The following PLEKHG7 variants were observed in gnomAD, a reference collection of about 807,000 sequenced individuals.
PLEKHG7 encodes pleckstrin homology and RhoGEF domain containing G7.
Under a neutral mutation model 85.2 loss-of-function variants are expected in PLEKHG7, and 77 were observed. That is an observed-to-expected ratio of 0.90 (90% confidence interval 0.75 to 1.09). The LOEUF (loss-of-function observed/expected upper bound fraction) is 1.09, where lower values mean the gene tolerates loss of function less well. Among genes scored for constraint, PLEKHG7 ranks in the 50% least tolerant of loss-of-function variants. The probability of loss-of-function intolerance (pLI) is 0.00; values close to 1 mark genes in which losing one functional copy is unlikely to be tolerated. For synonymous variants in PLEKHG7, 301 were observed against 302.4 expected (o/e 1.00, Z 0.05); for missense variants, 777 against 804.3 (o/e 0.97, Z 0.41).
chr12:92,762,033 C>CA (rs201061866), intron 14 of PLEKHG7, among the ~76,000 whole-genome samples: 6,020 of 150,316 alleles, frequency 0.04, 180 homozygotes, highest in Non-Finnish European at 0.062. Flanking sequence ...TAAATGAAAC[C>CA]AAAAAAATGC....
At chr12:92,715,644 A>G (rs7313548) in intron 3 of PLEKHG7, among the ~76,000 whole-genome samples, 8,516 of 147,470 alleles carry the variant, frequency 0.058, 801 homozygotes, top group African/African-American at 0.2. Flanking sequence ...GCATGGTCAT[A>G]TAATGTTAGG....
chr12:92,718,741 T>C (rs1413042611), intron 3 of PLEKHG7, among the ~76,000 whole-genome samples: 1 of 152,142 alleles, frequency 6.6e-6, no homozygotes, highest in Admixed American at 6.5e-5. Flanking sequence ...TATTGCTTAA[T>C]CCCACAAGGG....
At chr12:92,761,620 AAAGAAGAAAGAAAGAAAG>A (rs1454010289) in intron 13 of PLEKHG7, 114 bp from the exon 14 acceptor site, 3 of 1,039,166 alleles carry the variant, frequency 2.9e-6, no homozygotes, top group Non-Finnish European at 3.8e-6. Flanking sequence ...AGAAAGAAAG[AAAGAAGAAAGAAAGAAAG>A]AAAGAAAGAA....
At chr12:92,754,392 C>A in intron 11 of PLEKHG7, 128 bp downstream of exon 11, 1 of 860,134 alleles carries the variant, frequency 1.2e-6, no homozygotes, top group Non-Finnish European at 1.8e-6. Flanking sequence ...AATGTGGGTT[C>A]AAGTGTGAGT....
intron 13 of PLEKHG7, 136 bp from the exon 14 acceptor site, chr12:92,761,616 A>AAAGAAAG (rs1261234815): frequency 6.8e-6 from 7 of 1,031,934 alleles, no homozygotes; most frequent in African/African-American, 3.8e-5. Context: ...AAAAAGAAAG[A>AAAGAAAG]AAGAAAGAAG....
At chr12:92,706,012 A>C (rs906162319) in intron 1 of PLEKHG7, among the ~76,000 whole-genome samples, 3 of 152,198 alleles carry the variant, frequency 2.0e-5, no homozygotes, top group Non-Finnish European at 2.9e-5. Flanking sequence ...TTACCTTCAA[A>C]GCCTGTCTCA....
In PLEKHG7 at chr12:92,713,999, C is replaced by T. The variant is rs1871416260; in HGVS notation, c.530+6327C>T. 3.9e-5 allele frequency among the ~76,000 whole-genome samples: 6 copies of T among 152,162 alleles called. No individual in the cohort carries two copies. In the South Asian group the frequency reaches 1.2e-3, roughly 31 times the overall value. On this transcript the variant is annotated intron_variant, in intron 3 of 16. Coordinates refer to ENST00000344636, the MANE Select transcript of PLEKHG7 (RefSeq NM_001377329.1). ...TAATATCAATTCCCATGCCTGTTCT[C>T]CAGATTTCTGTTTATATAAATTAGA... is the stretch of plus-strand genomic sequence containing the variant.
intron 13 of PLEKHG7, among the ~76,000 whole-genome samples, chr12:92,757,830 A>C (rs1307789504): frequency 6.6e-6 from 1 of 152,226 alleles, no homozygotes; most frequent in Non-Finnish European, 1.5e-5. Context: ...ACCAGAAGTC[A>C]TTGAGCTCTC....
At chr12:92,739,810 T>G (rs1039104071) in intron 7 of PLEKHG7, among the ~76,000 whole-genome samples, 28 of 152,084 alleles carry the variant, frequency 1.8e-4, no homozygotes, top group African/African-American at 6.8e-4. Flanking sequence ...TAGTAATGAG[T>G]TCTGTTTCTT....
chr12:92,744,423 T>G (rs376773962), intron 9 of PLEKHG7, among the ~76,000 whole-genome samples: 1 of 152,168 alleles, frequency 6.6e-6, no homozygotes, highest in South Asian at 2.1e-4. Flanking sequence ...GATGGTGGCA[T>G]GTAGTTCAGT....
chr12:92,764,152 G>A lies in PLEKHG7; in HGVS notation c.1828G>A (p.Asp610Asn), dbSNP rs768706469. 1 of 1,608,350 alleles carries A rather than the reference G, an allele frequency of 6.2e-7. No homozygotes were observed. The highest frequency in any genetic ancestry group is 8.5e-7 in the Non-Finnish European group (1 of 1,176,978). Residue 610 changes from aspartate to asparagine, a missense_variant, in exon 15 of 17, where the codon GAT becomes AAT. By Grantham distance (23) the Asp-to-Asn change is conservative (BLOSUM62 1). Coordinates refer to ENST00000344636, the MANE Select transcript of PLEKHG7 (RefSeq NM_001377329.1). ...AGTACTCGATCAGCCTATTCCACTA[G>A]ATAGATTGGTAGTCAAAAGTATTGA... ...CTVLDQPIPL[D>N]RLVVKSIEPL...
intron 9 of PLEKHG7, 88 bp downstream of exon 9, chr12:92,741,680 C>A (rs1192983429): frequency 2.1e-6 from 2 of 940,980 alleles, no homozygotes; most frequent in East Asian, 5.3e-5. Context: ...GATTTTAATT[C>A]TCCCTGGGAA....
At chr12:92,765,998 G>A (rs191308872) in intron 15 of PLEKHG7, among the ~76,000 whole-genome samples, 5 of 152,150 alleles carry the variant, frequency 3.3e-5, no homozygotes, top group Admixed American at 2.0e-4. Flanking sequence ...ACTTGACTGG[G>A]ACCAAAGTCT....
At position 92,755,925 on chromosome 12, in the gene PLEKHG7, G is replaced by A. The variant is rs757645379; in HGVS notation, c.1527G>A (p.Arg509=). 1 of 1,606,968 alleles carries A rather than the reference G, an allele frequency of 6.2e-7. No homozygotes were observed. Among genetic ancestry groups the A allele is most frequent in the South Asian group, 1.1e-5 (1 of 89,616 alleles). The change falls in exon 12 of 17, where the codon AGG becomes AGA. Residue 509 remains arginine, a synonymous_variant. Coordinates refer to ENST00000344636, the MANE Select transcript of PLEKHG7 (RefSeq NM_001377329.1). ...CACCGCTTTGGGATAGAGATAAAAGGTTTTTCATTCCAGAGGTACAAAAAA... is the reference window on the plus strand; with the variant it reads ...CACCGCTTTGGGATAGAGATAAAAGATTTTTCATTCCAGAGGTACAAAAAA... ...VWPPLWDRDK[R]FFIPECLKHI...
At position 92,706,727 on chromosome 12, in the gene PLEKHG7, G is replaced by A. The variant is rs1200976988; in HGVS notation, c.96G>A (p.Gly32=). The A allele has an allele frequency of 6.2e-7, 1 of 1,614,126 alleles. No homozygotes were observed. Among genetic ancestry groups the A allele is most frequent in the South Asian group, 1.1e-5 (1 of 91,084 alleles). Residue 32 remains glycine (G), a synonymous_variant, in exon 2 of 17, where the codon GGG becomes GGA. Coordinates refer to ENST00000344636, the MANE Select transcript of PLEKHG7 (RefSeq NM_001377329.1). Reference sequence around the variant, plus strand: ...TGAGGAGCCTGCCAAAGAACCAGGGGAGTCTCCTCCAGTTTGACCGGCAAG... The same window carrying A: ...TGAGGAGCCTGCCAAAGAACCAGGGAAGTCTCCTCCAGTTTGACCGGCAAG... The part of the protein sequence containing the change: ...PSLRSLPKNQ[G]SLLQFDRQAP...
chr12:92,725,932 T>A (rs1471586885), intron 3 of PLEKHG7, among the ~76,000 whole-genome samples: 3 of 152,154 alleles, frequency 2.0e-5, no homozygotes, highest in African/African-American at 7.2e-5. Flanking sequence ...AGAAGCCCAC[T>A]TCAGATCTAC....
intron 13 of PLEKHG7, among the ~76,000 whole-genome samples, chr12:92,756,853 A>T (rs1461285837): frequency 6.6e-6 from 1 of 152,144 alleles, no homozygotes; most frequent in East Asian, 1.9e-4. Context: ...CTTTCCCTCT[A>T]GTTGGGAAGC....
At chr12:92,714,741 G>A (rs1157014918) in intron 3 of PLEKHG7, among the ~76,000 whole-genome samples, 1 of 152,148 alleles carries the variant, frequency 6.6e-6, no homozygotes, top group African/African-American at 2.4e-5. Flanking sequence ...TATGTATAGA[G>A]TCACTAAACT....
At chr12:92,723,735 C>T (rs988957626) in intron 3 of PLEKHG7, among the ~76,000 whole-genome samples, 4 of 152,084 alleles carry the variant, frequency 2.6e-5, no homozygotes, top group Non-Finnish European at 4.4e-5. Flanking sequence ...AATTTGACCC[C>T]ACATTCTTAA....
Sources: allele counts gnomAD v4.1 joint callset (sites outside exome capture counted in the v4.1 genomes callset), GRCh38; gene constraint gnomAD v4.1.1; transcripts MANE v1.5; gene names NCBI Gene and HGNC (gene_info 2026-07-23, HGNC 2026-07-21).